Variants in ZNF652 observed in about 807,000 individuals in gnomAD.
ZNF652 encodes zinc finger protein 652.
Under a neutral mutation model 45.2 loss-of-function variants are expected in ZNF652, and 16 were observed. The ratio of observed to expected loss-of-function variants is 0.35; its 90% CI spans 0.24 to 0.54. ZNF652 has a LOEUF of 0.54. Ranked by LOEUF, ZNF652 falls within the 20% of genes least tolerant of loss-of-function variation. The probability of loss-of-function intolerance (pLI) is 0.91; values close to 1 mark genes in which losing one functional copy is unlikely to be tolerated. For missense variants in ZNF652, 614 were observed against 765.6 expected, an observed-to-expected ratio of 0.80 and a Z score of 2.34; for synonymous variants, 250 against 260.6, an observed-to-expected ratio of 0.96 and a Z score of 0.39.
At chr17:49,331,693 G>A (rs1211564713) in intron 1 of ZNF652, among the ~76,000 whole-genome samples, 1 of 152,026 alleles carries the variant, frequency 6.6e-6, no homozygotes, top group Non-Finnish European at 1.5e-5. Context: ...TTAGATTTGT[G>A]GATAACATCA....
At chr17:49,288,324 A>T (rs1409766636), downstream of ZNF652, 2 of 152,202 alleles carry the variant, frequency 1.3e-5, no homozygotes, top group African/African-American at 4.8e-5. Context: ...TAGAGATACA[A>T]GATGATAAAG....
chr17:49,342,143 G>A (rs527411581), intron 1 of ZNF652, among the ~76,000 whole-genome samples: 2 of 150,704 alleles, frequency 1.3e-5, no homozygotes, highest in Non-Finnish European at 1.5e-5. Flanking sequence ...CCAAGATTGC[G>A]CCACTGCACT....
At chr17:49,345,633 AG>A (rs1198972466) in intron 1 of ZNF652, among the ~76,000 whole-genome samples, 4 of 150,892 alleles carry the variant, frequency 2.7e-5, no homozygotes, top group African/African-American at 9.7e-5. Flanking sequence ...CGAGGTCAGG[AG>A]ATCGAGACCA....
intron 1 of ZNF652, among the ~76,000 whole-genome samples, chr17:49,355,646 T>C (rs2070328129): frequency 6.6e-6 from 1 of 152,156 alleles, no homozygotes; most frequent in Non-Finnish European, 1.5e-5. Flanking sequence ...ACGCCTGTAA[T>C]CCCAGCACTT....
At chr17:49,361,536 G>A (rs1443719824) in intron 1 of ZNF652, among the ~76,000 whole-genome samples, 1 of 152,226 alleles carries the variant, frequency 6.6e-6, no homozygotes, top group Non-Finnish European at 1.5e-5. Flanking sequence ...CAGCTGCAGG[G>A]CAGGAGAACG....
At chr17:49,361,470 G>A (rs2070392901) in intron 1 of ZNF652, among the ~76,000 whole-genome samples, 1 of 152,196 alleles carries the variant, frequency 6.6e-6, no homozygotes, top group South Asian at 2.1e-4. Context: ...AATACTCCCG[G>A]GGGTTGGAGG....
intron 1 of ZNF652, among the ~76,000 whole-genome samples, chr17:49,326,533 A>G (rs930966529): frequency 1.3e-5 from 2 of 152,150 alleles, no homozygotes; most frequent in African/African-American, 4.8e-5. Context: ...ATAGAAACAA[A>G]AAAGAAAAAG....
At chr17:49,300,952 T>C (rs2069544448) in intron 5 of ZNF652, among the ~76,000 whole-genome samples, 2 of 152,230 alleles carry the variant, frequency 1.3e-5, no homozygotes, top group South Asian at 4.1e-4. Flanking sequence ...TGCAGCCTGG[T>C]TCTAGAGTTT....
chr17:49,320,164 GTATT>G lies in ZNF652; in HGVS notation c.-258-2185_-258-2182del, dbSNP rs74754647. On this transcript the variant is annotated intron_variant, in intron 1 of 5. Transcript: ENST00000430262. ...TATATCACAACTTTGAAAAAAATCAGTATTTATTATTACTATGAGTAGTTCACAA... is the reference window on the plus strand; with the variant it reads ...TATATCACAACTTTGAAAAAAATCAGTATTATTACTATGAGTAGTTCACAA... Among the ~76,000 whole-genome samples the G allele has an allele frequency of 4.9e-4, 74 of 152,114 alleles. 2 individuals carry two copies. In the East Asian group the frequency reaches 0.014, roughly 28 times the overall value.
intron 5 of ZNF652, among the ~76,000 whole-genome samples, chr17:49,303,888 T>C (rs1228935732): frequency 6.7e-6 from 1 of 150,328 alleles, no homozygotes; most frequent in Non-Finnish European, 1.5e-5. Context: ...TGCAGTCTTC[T>C]TTTTTTTTGT....
chr17:49,348,529 GAAAAGAAAAGA>G (rs2070235491), intron 1 of ZNF652, among the ~76,000 whole-genome samples: 2 of 144,010 alleles, frequency 1.4e-5, no homozygotes, highest in Non-Finnish European at 1.5e-5. Context: ...GAAAAGAAAA[GAAAAGAAAAGA>G]AAAACCCCCG....
At chr17:49,358,898 T>C (rs2070365337) in intron 1 of ZNF652, among the ~76,000 whole-genome samples, 1 of 152,184 alleles carries the variant, frequency 6.6e-6, no homozygotes, top group South Asian at 2.1e-4. Flanking sequence ...CTGTTTGTAT[T>C]AATGAGAGTG....
At chr17:49,359,706 T>C (rs1412234190) in intron 1 of ZNF652, among the ~76,000 whole-genome samples, 3 of 152,210 alleles carry the variant, frequency 2.0e-5, no homozygotes, top group Non-Finnish European at 2.9e-5. Context: ...TGCTTATTGA[T>C]AGAATGGTGC....
At position 49,298,281 on chromosome 17, in the gene ZNF652, T is replaced by A; in HGVS notation, c.*132A>T. ...TGTTCATTCCCTTGGATCTGTTGAT[T>A]CAGTGACACTGGCGAAGCTCTTGGT... On this transcript the variant is annotated 3_prime_UTR_variant, in exon 6 of 6. Transcript: ENST00000430262. 8.9e-7 allele frequency: 1 copy of A among 1,120,186 alleles called. No homozygotes were observed. The highest frequency in any genetic ancestry group is 2.6e-5 in the Admixed American group (1 of 38,008). 69.4% of individuals were successfully genotyped at this position (1,120,186 alleles called of 1,614,324 possible).
chr17:49,359,215 T>C (rs2070368114), intron 1 of ZNF652, among the ~76,000 whole-genome samples: 1 of 152,192 alleles, frequency 6.6e-6, no homozygotes, highest in Non-Finnish European at 1.5e-5. Context: ...AATAGCCAAA[T>C]GATTTCCGAC....
intron 5 of ZNF652, 136 bp downstream of exon 5, chr17:49,311,176 A>G (rs1032914352): frequency 1.2e-6 from 1 of 850,206 alleles, no homozygotes; most frequent in South Asian, 1.9e-5. Context: ...ATATTTTTAC[A>G]TATTAGGTTT....
rs1239505993 is a variant in ZNF652, at chr17:49,296,999, G to A, written c.*1414C>T. 2.0e-5 allele frequency: 3 copies of A among 152,154 alleles called. No homozygotes were observed. Among genetic ancestry groups the A allele is most frequent in the Admixed American group, 2.0e-4 (3 of 15,276 alleles). The allele number at this position is 152,154 out of a possible 1,614,324, so 9.4% of individuals were successfully genotyped here. On this transcript the variant is annotated 3_prime_UTR_variant, in exon 6 of 6. Transcript: ENST00000430262. ...AGGTGCTGCTCTCTTTATCGCCTAAGAATGCTGGTATTACATAATTTGCAG... is the reference window on the plus strand; with the variant it reads ...AGGTGCTGCTCTCTTTATCGCCTAAAAATGCTGGTATTACATAATTTGCAG...
At position 49,317,107 on chromosome 17, in the gene ZNF652, G is replaced by A. The variant is rs2032802277; in HGVS notation, c.619C>T (p.Pro207Ser). Residue 207 changes from proline to serine, a missense_variant, in exon 2 of 6, where the codon CCC becomes TCC. By Grantham distance (74) the Pro-to-Ser change is moderately conservative (BLOSUM62 -1). Transcript: ENST00000430262. Reference sequence around the variant, plus strand: ...TTCCTACGACCTCTTGTAGTTCTGGGAGTAGGGGAAGTGGTAGCTGCGGCA... The same window carrying A: ...TTCCTACGACCTCTTGTAGTTCTGGAAGTAGGGGAAGTGGTAGCTGCGGCA... ...SVAAATTSPT[P>S]RTTRGRRKSV... 1.2e-6 allele frequency: 2 copies of A among 1,613,924 alleles called. No homozygotes were observed. The highest frequency in any genetic ancestry group is 2.7e-5 in the African/African-American group (2 of 74,886).
chr17:49,333,143 C>T (rs556402421), intron 1 of ZNF652, among the ~76,000 whole-genome samples: 2 of 151,688 alleles, frequency 1.3e-5, no homozygotes, highest in African/African-American at 4.8e-5. Context: ...CTGCAAGCTC[C>T]GTCTCCTGGG....
Sources: allele counts gnomAD v4.1 joint callset (sites outside exome capture counted in the v4.1 genomes callset), GRCh38; gene constraint gnomAD v4.1.1; transcripts MANE v1.5; gene names NCBI Gene and HGNC (gene_info 2026-07-23, HGNC 2026-07-21).